The following SLC16A2 variants were observed in gnomAD, a reference collection of about 807,000 sequenced individuals.
The protein encoded by SLC16A2 is monocarboxylate transporter 8.
Under a neutral mutation model 27.2 loss-of-function variants are expected in SLC16A2, and 3 were observed. The ratio of observed to expected loss-of-function variants is 0.11; its 90% CI spans 0.05 to 0.28. The LOEUF (loss-of-function observed/expected upper bound fraction) is 0.28, where lower values mean the gene tolerates loss of function less well. Among genes scored for constraint, SLC16A2 ranks in the 10% least tolerant of loss-of-function variants. The pLI, the probability that SLC16A2 is intolerant of heterozygous loss-of-function variation, is 1.00. For synonymous variants in SLC16A2, 202 were observed against 187.8 expected, an observed-to-expected ratio of 1.08 and a Z score of -0.62; for missense variants, 295 against 458.5, an observed-to-expected ratio of 0.64 and a Z score of 3.26.
At chrX:74,479,605 G>C (rs775735708) in intron 1 of SLC16A2, among the ~76,000 whole-genome samples, 1,480 of 111,725 alleles carry the variant, frequency 0.013, 22 homozygotes, top group African/African-American at 0.046. Context: ...TTTTCCCCAT[G>C]TTTGTGGTTT....
chrX:74,451,303 A>G (rs1928936121), intron 1 of SLC16A2, among the ~76,000 whole-genome samples: 1 of 112,050 alleles, frequency 8.9e-6, no homozygotes, highest in Non-Finnish European at 1.9e-5. Flanking sequence ...TTTATCAGAC[A>G]AAGAATGTAT....
intron 1 of SLC16A2, among the ~76,000 whole-genome samples, chrX:74,482,734 G>T (rs1288705052): frequency 9.1e-6 from 1 of 109,935 alleles, no homozygotes; most frequent in Non-Finnish European, 1.9e-5. Context: ...GTCTCTCTAG[G>T]TCACCCAGGG....
chrX:74,494,437 A>C (rs1415714646), intron 1 of SLC16A2, among the ~76,000 whole-genome samples: 1 of 111,662 alleles, frequency 9.0e-6, no homozygotes, highest in East Asian at 2.8e-4. Flanking sequence ...CCCTTTCAGC[A>C]TAACTACAGT....
intron 1 of SLC16A2, among the ~76,000 whole-genome samples, chrX:74,519,510 G>A (rs1209501613): frequency 1.0e-5 from 1 of 98,750 alleles, no homozygotes; most frequent in African/African-American, 3.6e-5. Context: ...TCAGGAGATC[G>A]AGACCATCCT....
At chrX:74,487,484 A>G (rs956928911) in intron 1 of SLC16A2, among the ~76,000 whole-genome samples, 1 of 111,922 alleles carries the variant, frequency 8.9e-6, no homozygotes, top group African/African-American at 3.2e-5. Context: ...TCATTCTCTC[A>G]GAAATAACCC....
At chrX:74,435,554 T>TATATA (rs1491092189) in intron 1 of SLC16A2, among the ~76,000 whole-genome samples, 2 of 76,249 alleles carry the variant, frequency 2.6e-5, no homozygotes, top group African/African-American at 6.2e-5. Flanking sequence ...TATATATATA[T>TATATA]TTTTTTTTTT....
intron 1 of SLC16A2, among the ~76,000 whole-genome samples, chrX:74,448,933 C>T (rs1384063212): frequency 9.0e-6 from 1 of 111,342 alleles, no homozygotes; most frequent in Non-Finnish European, 1.9e-5. Context: ...GAGAGTTGTT[C>T]CTTCATGCCC....
chrX:74,441,993 C>T (rs1412522166), intron 1 of SLC16A2, among the ~76,000 whole-genome samples: 2 of 110,032 alleles, frequency 1.8e-5, no homozygotes, highest in Non-Finnish European at 3.8e-5. Flanking sequence ...CTTTGGGAGG[C>T]CGAGGCGGGT....
At chrX:74,528,850 C>T (rs774809867) in intron 4 of SLC16A2, among the ~76,000 whole-genome samples, 1 of 111,920 alleles carries the variant, frequency 8.9e-6, no homozygotes, top group Non-Finnish European at 1.9e-5. Context: ...ATGGCCTGAT[C>T]CCAGACCCTG....
intron 1 of SLC16A2, among the ~76,000 whole-genome samples, chrX:74,468,936 T>C (rs770518142): frequency 3.6e-5 from 4 of 111,792 alleles, no homozygotes; most frequent in South Asian, 7.5e-4. Context: ...TATCTAACTA[T>C]ATTTTTGTAA....
At chrX:74,512,782 G>A (rs1467478086) in intron 1 of SLC16A2, among the ~76,000 whole-genome samples, 1 of 112,047 alleles carries the variant, frequency 8.9e-6, no homozygotes, top group African/African-American at 3.3e-5. Flanking sequence ...AAAAGACTTT[G>A]AGGATGAGGA....
chrX:74,440,844 A>G (rs1008515116), intron 1 of SLC16A2, among the ~76,000 whole-genome samples: 3 of 110,445 alleles, frequency 2.7e-5, no homozygotes, highest in Non-Finnish European at 3.8e-5. Context: ...ATGAGCATGG[A>G]TAGGGTAGAG....
intron 1 of SLC16A2, chrX:74,473,443 A>G (rs757107967): frequency 3.7e-5 from 20 of 538,569 alleles, no homozygotes; most frequent in Non-Finnish European, 5.3e-5. Context: ...CATTCACACT[A>G]TGGTATTTCT....
At chrX:74,506,909 AT>A (rs1315531463) in intron 1 of SLC16A2, among the ~76,000 whole-genome samples, 2 of 33,286 alleles carry the variant, frequency 6.0e-5, no homozygotes, top group Non-Finnish European at 2.0e-4. Flanking sequence ...GATATTTATT[AT>A]TTATTTATTT....
At chrX:74,461,795 G>C (rs902704884) in intron 1 of SLC16A2, among the ~76,000 whole-genome samples, 1 of 111,592 alleles carries the variant, frequency 9.0e-6, no homozygotes, top group Non-Finnish European at 1.9e-5. Context: ...TTAGCTTTGT[G>C]TTACCAGAAA....
At chrX:74,468,028 A>G (rs1429781780) in intron 1 of SLC16A2, among the ~76,000 whole-genome samples, 1 of 111,824 alleles carries the variant, frequency 8.9e-6, no homozygotes, top group Non-Finnish European at 1.9e-5. Context: ...CTTTTTGATT[A>G]TTAGATTATC....
intron 1 of SLC16A2, among the ~76,000 whole-genome samples, chrX:74,447,703 G>C (rs1292968566): frequency 9.4e-6 from 1 of 106,410 alleles, no homozygotes; most frequent in East Asian, 3.0e-4. Flanking sequence ...AAAAGGCCGA[G>C]CACAGTGGCT....
At chrX:74,442,097 G>A (rs914924742) in intron 1 of SLC16A2, among the ~76,000 whole-genome samples, 5 of 109,030 alleles carry the variant, frequency 4.6e-5, no homozygotes, top group Admixed American at 2.0e-4. Flanking sequence ...ACGTGGTGGC[G>A]CATTCCTGTA....
rs1454189635 is a variant in SLC16A2, at chrX:74,422,037, G to A, written c.400G>A (p.Glu134Lys). 1 of 1,209,544 alleles carries A rather than the reference G, an allele frequency of 8.3e-7. No homozygotes were observed. The highest frequency in any genetic ancestry group is 1.8e-5 in the South Asian group (1 of 56,590). ...LYSMLLEEEK[E>K]KNRQVEFQAA... ...CTCCATGCTGCTAGAGGAGGAAAAG[G>A]AAAAAAATCGCCAAGTGGAGTTCCA... Residue 134 changes from glutamate (E) to lysine (K), a missense_variant, in exon 1 of 6, where the codon GAA (glutamate) becomes AAA (lysine). Glu to Lys is a moderately conservative substitution (Grantham distance 56). Around this residue, in one of 3 missense-constraint regions of SLC16A2, gnomAD observed 59 missense variants for 153.6 expected, o/e 0.38. Coordinates refer to ENST00000587091, the MANE Select transcript of SLC16A2 (RefSeq NM_006517.5).
Sources: allele counts gnomAD v4.1 joint callset (sites outside exome capture counted in the v4.1 genomes callset), GRCh38; gene constraint gnomAD v4.1.1; regional missense constraint gnomAD v4.1.1; transcripts MANE v1.5; gene names NCBI Gene and HGNC (gene_info 2026-07-23, HGNC 2026-07-21).